CORO2B: variants seen among roughly 807,000 people sequenced by gnomAD.
CORO2B encodes the protein coronin-2B.
Under a neutral mutation model 58.8 loss-of-function variants are expected in CORO2B, and 26 were observed. The observed-to-expected ratio is 0.44, with a 90% CI of 0.32 to 0.61. CORO2B has a LOEUF of 0.61. Ranked by LOEUF, CORO2B falls within the 20% of genes least tolerant of loss-of-function variation. The probability of loss-of-function intolerance (pLI) is 0.04; values close to 1 mark genes in which losing one functional copy is unlikely to be tolerated. For missense variants in CORO2B, 460 were observed against 645.1 expected, an observed-to-expected ratio of 0.71 and a Z score of 3.11; for synonymous variants, 242 against 253.8, an observed-to-expected ratio of 0.95 and a Z score of 0.44.
At chr15:68,566,313 A>T in the CORO2B span, among the ~76,000 whole-genome samples, 1 of 152,072 alleles carries the variant, frequency 6.6e-6, no homozygotes, top group Admixed American at 6.5e-5. Flanking sequence ...AGGCCCAGAG[A>T]GGCTAAGTAA....
At position 68,670,221 on chromosome 15, in the gene CORO2B, C is replaced by T. The variant is rs560508391; in HGVS notation, c.216+24861C>T. Among the ~76,000 whole-genome samples the T allele has an allele frequency of 9.2e-5, 14 of 152,174 alleles. 2 individuals are homozygous for T. The highest frequency in any genetic ancestry group is 3.4e-4 in the African/African-American group (14 of 41,528). On this transcript the variant is annotated intron_variant, in intron 2 of 11. Transcript: ENST00000261861. ...ACAGGATCTGGCTTTGTTGCCCAGGCTGGAGTGCAGTGGCGTGATATTAGC... is the reference window on the plus strand; with the variant it reads ...ACAGGATCTGGCTTTGTTGCCCAGGTTGGAGTGCAGTGGCGTGATATTAGC...
At chr15:68,644,744 A>G (rs1901366669) in intron 1 of CORO2B, among the ~76,000 whole-genome samples, 3 of 152,116 alleles carry the variant, frequency 2.0e-5, no homozygotes, top group African/African-American at 7.2e-5. Flanking sequence ...AATCTTGGTA[A>G]ACACTGGCCT....
the CORO2B span, among the ~76,000 whole-genome samples, chr15:68,542,762 G>A: frequency 1.4e-4 from 21 of 152,228 alleles, 1 homozygote. Flanking sequence ...ATAGGTCAGG[G>A]CAAGTCATAT....
At chr15:68,650,511 C>T (rs1901608527) in intron 2 of CORO2B, among the ~76,000 whole-genome samples, 1 of 152,092 alleles carries the variant, frequency 6.6e-6, no homozygotes, top group Admixed American at 6.6e-5. Flanking sequence ...ACTTGGGAGG[C>T]TGAGGCCGGA....
chr15:68,658,628 C>G (rs1397131468), intron 2 of CORO2B, among the ~76,000 whole-genome samples: 2 of 152,224 alleles, frequency 1.3e-5, no homozygotes, highest in Admixed American at 1.3e-4. Context: ...CTTAATGGCT[C>G]TGTGACCTTG....
At chr15:68,560,946 C>T in the CORO2B span, among the ~76,000 whole-genome samples, 5 of 152,132 alleles carry the variant, frequency 3.3e-5, no homozygotes, top group East Asian at 1.9e-4. Context: ...TGGCACAGCC[C>T]GGGTAATTTT....
At chr15:68,554,161 A>G in the CORO2B span, among the ~76,000 whole-genome samples, 1 of 152,072 alleles carries the variant, frequency 6.6e-6, no homozygotes, top group African/African-American at 2.4e-5. Context: ...GGGGAGACAG[A>G]GAGGAACCAA....
At chr15:68,639,875 T>C (rs1401127373) in intron 1 of CORO2B, among the ~76,000 whole-genome samples, 1 of 152,238 alleles carries the variant, frequency 6.6e-6, no homozygotes, top group Non-Finnish European at 1.5e-5. Context: ...GAGTGTGTTC[T>C]GCTCTCACTA....
At chr15:68,572,610 C>G in the CORO2B span, among the ~76,000 whole-genome samples, 1 of 152,178 alleles carries the variant, frequency 6.6e-6, no homozygotes, top group African/African-American at 2.4e-5. Context: ...GCTCACCACC[C>G]CCCAGCTCCA....
rs1404235563 is a variant in CORO2B at position 68,608,194 on chromosome 15, C to T, written c.15+28917C>T. Among the ~76,000 whole-genome samples, 4 of 152,394 alleles carry T rather than the reference C, an allele frequency of 2.6e-5. No individual in the cohort carries two copies. In the East Asian group the frequency reaches 7.7e-4, roughly 29 times the overall value. On this transcript the variant is annotated intron_variant, in intron 1 of 11. Coordinates refer to ENST00000261861, the MANE Select transcript of CORO2B (RefSeq NM_006091.5). ...AAACCAGACATGGGGGGCCTGAGCACGGCCACTGCAGGCCCACAGGCATCC... is the reference window on the plus strand; with the variant it reads ...AAACCAGACATGGGGGGCCTGAGCATGGCCACTGCAGGCCCACAGGCATCC...
intron 3 of CORO2B, among the ~76,000 whole-genome samples, chr15:68,701,997 C>A (rs576084009): frequency 6.6e-6 from 1 of 152,264 alleles, no homozygotes; most frequent in Admixed American, 6.5e-5. Flanking sequence ...AATCCCAACA[C>A]TTTGGGAGGC....
chr15:68,612,009 C>A (rs553309874), intron 1 of CORO2B, among the ~76,000 whole-genome samples: 56 of 152,206 alleles, frequency 3.7e-4, no homozygotes, highest in African/African-American at 1.3e-3. Context: ...GGGCTCAAGC[C>A]ATCCACCCAC....
intron 1 of CORO2B, chr15:68,616,649 G>T: frequency 2.0e-6 from 2 of 978,344 alleles, no homozygotes; most frequent in Non-Finnish European, 2.4e-6. Flanking sequence ...GGGCCCCAGC[G>T]CAAGCAGGCA....
intron 11 of CORO2B, among the ~76,000 whole-genome samples, chr15:68,722,907 A>C (rs553130149): frequency 6.6e-6 from 1 of 152,078 alleles, no homozygotes; most frequent in East Asian, 2.0e-4. Flanking sequence ...GTCTCTACTA[A>C]AAATACAAAA....
intron 2 of CORO2B, among the ~76,000 whole-genome samples, chr15:68,676,447 C>G (rs1902587321): frequency 6.6e-6 from 1 of 152,184 alleles, no homozygotes; most frequent in South Asian, 2.1e-4. Context: ...ACTGAGGTGC[C>G]AGAGGGTAAG....
At chr15:68,564,307 CTTT>C in the CORO2B span, among the ~76,000 whole-genome samples, 1 of 142,564 alleles carries the variant, frequency 7.0e-6, no homozygotes. Context: ...GCAGTGAAAT[CTTT>C]TTTTTTTTTT....
At chr15:68,696,285 A>G (rs1302515366) in intron 3 of CORO2B, among the ~76,000 whole-genome samples, 4 of 151,658 alleles carry the variant, frequency 2.6e-5, no homozygotes, top group Non-Finnish European at 5.9e-5. Flanking sequence ...ATGGTGGCAC[A>G]TGCCTGTAAT....
chr15:68,699,655 C>T (rs34700358), intron 3 of CORO2B, among the ~76,000 whole-genome samples: 27,382 of 152,178 alleles, frequency 0.18, 3,096 homozygotes, highest in Non-Finnish European at 0.25. Context: ...CACCCCTCCC[C>T]GCCTTGGAGC....
intron 1 of CORO2B, among the ~76,000 whole-genome samples, chr15:68,616,168 T>C (rs1315327679): frequency 1.3e-5 from 2 of 152,184 alleles, no homozygotes; most frequent in African/African-American, 4.8e-5. Context: ...AACAGTATAA[T>C]GATGGGCATA....
Sources: gnomAD v4.1 joint callset for allele counts (sites outside exome capture counted in the v4.1 genomes callset) on GRCh38, gnomAD v4.1.1 for gene constraint, MANE v1.5 for transcripts, NCBI Gene and HGNC (gene_info 2026-07-23, HGNC 2026-07-21) for gene names.